ADAMTS19: variants seen among roughly 807,000 people sequenced by gnomAD.
ADAMTS19 encodes ADAM metallopeptidase with thrombospondin type 1 motif 19, also known as A disintegrin and metalloproteinase with thrombospondin motifs 19.
Under a neutral mutation model 153.3 loss-of-function variants are expected in ADAMTS19, and 93 were observed. The observed-to-expected ratio is 0.61, with a 90% CI of 0.51 to 0.72. ADAMTS19 has a LOEUF of 0.72. ADAMTS19 is among the 30% of genes least tolerant of loss of function. The probability of loss-of-function intolerance (pLI) is 0.00; values close to 1 mark genes in which losing one functional copy is unlikely to be tolerated. For missense variants in ADAMTS19, 1,482 were observed against 1,552.1 expected (o/e 0.95, Z 0.76); for synonymous variants, 600 against 556.6 (o/e 1.08, Z -1.10).
At chr5:129,528,800 T>A in intron 6 of ADAMTS19, 123 bp downstream of exon 6, 1 of 735,896 alleles carries the variant, frequency 1.4e-6, no homozygotes. Flanking sequence ...GATTTTGGCA[T>A]AATGATGTTA....
chr5:129,666,492 A>G (rs1229728494), intron 16 of ADAMTS19, among the ~76,000 whole-genome samples: 2 of 152,286 alleles, frequency 1.3e-5, no homozygotes, highest in East Asian at 3.9e-4. Context: ...CTTTGTATAT[A>G]GAAACAACTC....
intron 9 of ADAMTS19, among the ~76,000 whole-genome samples, chr5:129,621,271 T>A (rs1282735612): frequency 6.6e-6 from 1 of 152,172 alleles, no homozygotes; most frequent in Non-Finnish European, 1.5e-5. Context: ...ATGAAAAATA[T>A]TACTGTTATT....
intron 7 of ADAMTS19, among the ~76,000 whole-genome samples, chr5:129,577,236 C>T (rs1326523188): frequency 4.6e-5 from 7 of 152,080 alleles, no homozygotes; most frequent in South Asian, 2.1e-4. Flanking sequence ...CTACACTGTA[C>T]GAAACATACC....
chr5:129,504,255 G>A (rs1045986755), intron 2 of ADAMTS19, among the ~76,000 whole-genome samples: 2 of 152,020 alleles, frequency 1.3e-5, no homozygotes, highest in Non-Finnish European at 2.9e-5. Flanking sequence ...AAATCCTGCT[G>A]TCTCTCAGGA....
Position 129,461,118 on chromosome 5 carries a change from C to G in ADAMTS19, c.108C>G (p.Pro36=), listed in dbSNP as rs1280237769. The G allele has an allele frequency of 5.6e-6, 8 of 1,418,392 alleles. No homozygotes were observed. Among genetic ancestry groups the G allele is most frequent in the South Asian group, 3.0e-5 (2 of 67,108 alleles). 87.9% of individuals were successfully genotyped at this position (1,418,392 alleles called of 1,614,324 possible). A position where few individuals can be genotyped will look rare whatever the true frequency, so the allele number is the denominator to read the frequency against. The change falls in exon 2 of 23, where the codon CCC becomes CCG. Residue 36 remains proline, a synonymous_variant. Transcript: ENST00000274487. The surrounding 1 kb of genome is among the most constrained non-coding windows in gnomAD (Gnocchi z 4.6). Reference sequence around the variant, plus strand: ...CGCCCGCAGAGCTGCAGTTCGCCCCCGACCGCGAGGAGTGGGAAGTCGTGT... The same window carrying G: ...CGCCCGCAGAGCTGCAGTTCGCCCCGGACCGCGAGGAGTGGGAAGTCGTGT... ...NGIVSELQFA[P]DREEWEVVFP...
In ADAMTS19 at chr5:129,548,757, C is replaced by T. The variant is rs578178790; in HGVS notation, c.1329-3107C>T. 3.0e-4 allele frequency among the ~76,000 whole-genome samples: 45 copies of T among 151,864 alleles called. 1 individual carries two copies. In the East Asian group the frequency reaches 7.2e-3, roughly 24 times the overall value. On this transcript the variant is annotated intron_variant, in intron 6 of 22. Coordinates refer to ENST00000274487, the MANE Select transcript of ADAMTS19 (RefSeq NM_133638.6). ...TTCATTGCAGCACTATTTACAATAG[C>T]AAAGACTTGGAACCAACCCAAATGT...
intron 11 of ADAMTS19, among the ~76,000 whole-genome samples, chr5:129,647,197 T>G (rs1581182562): frequency 7.2e-6 from 1 of 139,164 alleles, no homozygotes; most frequent in East Asian, 2.2e-4. Context: ...TGTTTGAACT[T>G]GATGGGAATT....
At position 129,701,051 on chromosome 5, in the gene ADAMTS19, G is replaced by A. The variant is rs373401813; in HGVS notation, c.2955-337G>A. ...TGATTCCCATGTCATGAGAGGGACC[G>A]GTAGGAGGTAATTGAATCATGGGGG... On this transcript the variant is annotated intron_variant, in intron 19 of 22. Coordinates refer to ENST00000274487, the MANE Select transcript of ADAMTS19 (RefSeq NM_133638.6). 5.8e-4 allele frequency among the ~76,000 whole-genome samples: 88 copies of A among 151,838 alleles called. 2 individuals carry two copies. In the South Asian group the frequency reaches 0.018, roughly 30 times the overall value.
chr5:129,672,267 C>T (rs1754335087), intron 16 of ADAMTS19, among the ~76,000 whole-genome samples: 2 of 152,108 alleles, frequency 1.3e-5, no homozygotes, highest in South Asian at 2.1e-4. Context: ...GAAGACTCCA[C>T]CTCCTAATAA....
chr5:129,648,748 G>A lies in ADAMTS19; in HGVS notation c.2004-50G>A, dbSNP rs200633666. 1,248 of 1,486,306 alleles carry A rather than the reference G, an allele frequency of 8.4e-4. 10 individuals carry two copies. In the African/African-American group the frequency reaches 0.015, roughly 18 times the overall value. 92.1% of individuals were successfully genotyped at this position (1,486,306 alleles called of 1,614,324 possible). A position where few individuals can be genotyped will look rare whatever the true frequency, so the allele number is the denominator to read the frequency against. ...TAATGGCTTTTAATTTAAAACCTAG[G>A]TAGTTAACATAAAAAACATAAAATT... On this transcript the variant is annotated intron_variant, in intron 12 of 22. Transcript: ENST00000274487.
chr5:129,549,093 G>T (rs2126815772), intron 6 of ADAMTS19, among the ~76,000 whole-genome samples: 1 of 148,826 alleles, frequency 6.7e-6, no homozygotes, highest in African/African-American at 2.5e-5. Flanking sequence ...GAGTTAATGG[G>T]TGCAGCACAG....
intron 7 of ADAMTS19, among the ~76,000 whole-genome samples, chr5:129,554,851 T>C (rs1394487205): frequency 1.3e-5 from 2 of 152,176 alleles, no homozygotes; most frequent in African/African-American, 4.8e-5. Context: ...AAAATGCTGG[T>C]AAACTGCTCT....
rs1210214890 is a variant in ADAMTS19 at position 129,461,151 on chromosome 5, G to A, written c.141G>A (p.Ala47=). 7.1e-7 allele frequency: 1 copy of A among 1,409,352 alleles called. No homozygotes were observed. The highest frequency in any genetic ancestry group is 3.1e-5 in the East Asian group (1 of 32,746). 87.3% of individuals were successfully genotyped at this position (1,409,352 alleles called of 1,614,324 possible). The part of the protein sequence containing the change: ...DREEWEVVFP[A]LWRREPVDPA... ...AGGAGTGGGAAGTCGTGTTTCCTGC[G>A]CTCTGGCGCCGGGAGCCGGTGGACC... is the stretch of plus-strand genomic sequence containing the variant. Residue 47 remains alanine (A), a synonymous_variant, in exon 2 of 23, where the codon GCG becomes GCA. Transcript: ENST00000274487. The surrounding 1 kb of genome is among the most constrained non-coding windows in gnomAD (Gnocchi z 4.6).
intron 18 of ADAMTS19, among the ~76,000 whole-genome samples, chr5:129,685,193 A>G (rs1755025758): frequency 3.3e-5 from 5 of 151,982 alleles, no homozygotes; most frequent in South Asian, 2.1e-4. Flanking sequence ...GTCACCAAAG[A>G]CTTTATGTAT....
At chr5:129,488,351 C>A (rs1750662749) in intron 2 of ADAMTS19, among the ~76,000 whole-genome samples, 3 of 152,122 alleles carry the variant, frequency 2.0e-5, no homozygotes, top group African/African-American at 7.2e-5. Context: ...CTTATTGTTA[C>A]CTTTTTCTTG....
At chr5:129,694,975 C>A in intron 19 of ADAMTS19, 120 bp downstream of exon 19, 1 of 1,213,626 alleles carries the variant, frequency 8.2e-7, no homozygotes, top group Non-Finnish European at 1.1e-6. Flanking sequence ...AGGATACGTA[C>A]CAAAATTTAA....
At chr5:129,464,304 G>C (rs1749784768) in intron 2 of ADAMTS19, among the ~76,000 whole-genome samples, 1 of 152,180 alleles carries the variant, frequency 6.6e-6, no homozygotes, top group Non-Finnish European at 1.5e-5. Flanking sequence ...TATATCTCAA[G>C]AATTCTGTGA....
intron 8 of ADAMTS19, among the ~76,000 whole-genome samples, chr5:129,604,655 T>G (rs1019246842): frequency 6.6e-6 from 1 of 152,204 alleles, no homozygotes; most frequent in African/African-American, 2.4e-5. Context: ...GTAATCTTAG[T>G]AAAGTATCAT....
intron 21 of ADAMTS19, among the ~76,000 whole-genome samples, chr5:129,709,336 A>C (rs1756328558): frequency 6.6e-6 from 1 of 152,096 alleles, no homozygotes; most frequent in South Asian, 2.1e-4. Flanking sequence ...GGCTGAAAAA[A>C]AATATATTGA....
Sources: gnomAD v4.1 joint callset for allele counts (sites outside exome capture counted in the v4.1 genomes callset) on GRCh38, gnomAD v4.1.1 for gene constraint, Gnocchi (gnomAD v3.1) non-coding constraint, MANE v1.5 for transcripts, NCBI Gene and HGNC (gene_info 2026-07-23, HGNC 2026-07-21) for gene names.